HS6ST3: variants seen among roughly 807,000 people sequenced by gnomAD.
HS6ST3 encodes the protein heparan sulfate 6-O-sulfotransferase 3.
A neutral mutation model predicts 36.7 loss-of-function variants in HS6ST3; 12 were observed. The observed-to-expected ratio is 0.33, with a 90% CI of 0.21 to 0.53. The LOEUF is 0.53. Ranked by LOEUF, HS6ST3 falls within the 20% of genes least tolerant of loss-of-function variation. The probability of loss-of-function intolerance (pLI) is 0.95; values close to 1 mark genes in which losing one functional copy is unlikely to be tolerated. For synonymous variants in HS6ST3, 240 were observed against 257.5 expected (o/e 0.93, Z 0.65); for missense variants, 584 against 640.9 (o/e 0.91, Z 0.96).
intron 1 of HS6ST3, among the ~76,000 whole-genome samples, chr13:96,736,053 A>G (rs1876277551): frequency 6.6e-6 from 1 of 152,170 alleles, no homozygotes; most frequent in Non-Finnish European, 1.5e-5. Context: ...AACAGCACAC[A>G]CTGGGGCCCA....
intron 1 of HS6ST3, among the ~76,000 whole-genome samples, chr13:96,158,804 A>C (rs1344227258): frequency 6.6e-6 from 1 of 151,834 alleles, no homozygotes; most frequent in African/African-American, 2.4e-5. Flanking sequence ...CTAGGGAGAG[A>C]CCAAGTAGAA....
rs1236196576 is a variant in HS6ST3, at chr13:96,418,736, G to A, written c.707+327167G>A. On this transcript the variant is annotated intron_variant, in intron 1 of 1. Coordinates refer to ENST00000376705, the MANE Select transcript of HS6ST3 (RefSeq NM_153456.4). ...AAGAGAGGAGGCCGGCAGTAACAGT[G>A]TGCAAAAACAAGAAAACAAGCTGTC... 3.3e-5 allele frequency among the ~76,000 whole-genome samples: 5 copies of A among 152,358 alleles called. No individual in the cohort carries two copies. In the East Asian group the frequency reaches 9.6e-4, roughly 29 times the overall value.
intron 1 of HS6ST3, among the ~76,000 whole-genome samples, chr13:96,740,395 C>T (rs1485228656): frequency 6.6e-6 from 1 of 152,134 alleles, no homozygotes; most frequent in Non-Finnish European, 1.5e-5. Context: ...GGAAGGGAAA[C>T]ATACCATTTA....
chr13:96,470,958 A>G (rs2055837648), intron 1 of HS6ST3, among the ~76,000 whole-genome samples: 1 of 152,200 alleles, frequency 6.6e-6, no homozygotes, highest in Non-Finnish European at 1.5e-5. Flanking sequence ...TTTTTTTGTC[A>G]TAACCCAGGA....
intron 1 of HS6ST3, among the ~76,000 whole-genome samples, chr13:96,731,784 T>C (rs1264651133): frequency 6.6e-6 from 1 of 152,024 alleles, no homozygotes; most frequent in Non-Finnish European, 1.5e-5. Context: ...GACTCCCTGG[T>C]AGCTGGGACT....
At chr13:96,490,305 A>G (rs2055938204) in intron 1 of HS6ST3, among the ~76,000 whole-genome samples, 1 of 152,120 alleles carries the variant, frequency 6.6e-6, no homozygotes, top group Admixed American at 6.6e-5. Context: ...ATGTGTTTTT[A>G]TGGTAGTAGG....
chr13:96,418,409 A>T (rs1398436390), intron 1 of HS6ST3, among the ~76,000 whole-genome samples: 1 of 152,240 alleles, frequency 6.6e-6, no homozygotes, highest in Non-Finnish European at 1.5e-5. Flanking sequence ...GATTGACTGT[A>T]TATATGATAT....
intron 1 of HS6ST3, among the ~76,000 whole-genome samples, chr13:96,607,358 G>C (rs932297526): frequency 2.0e-5 from 3 of 152,164 alleles, no homozygotes; most frequent in Admixed American, 2.0e-4. Flanking sequence ...AGAAAATACA[G>C]CCTTCTAATG....
chr13:96,129,928 CAT>C (rs2053968149), intron 1 of HS6ST3, among the ~76,000 whole-genome samples: 1 of 152,110 alleles, frequency 6.6e-6, no homozygotes, highest in Non-Finnish European at 1.5e-5. Flanking sequence ...GAGGTAATAA[CAT>C]ATTTCTGTTG....
chr13:96,306,499 C>T (rs184279058), intron 1 of HS6ST3, among the ~76,000 whole-genome samples: 16 of 152,272 alleles, frequency 1.1e-4, no homozygotes, highest in South Asian at 2.1e-4. Context: ...GCGTGAGTCA[C>T]CGCACCCGGC....
intron 1 of HS6ST3, among the ~76,000 whole-genome samples, chr13:96,158,810 T>C (rs564442414): frequency 2.1e-4 from 32 of 151,574 alleles, no homozygotes; most frequent in African/African-American, 7.5e-4. Flanking sequence ...AGAGACCAAG[T>C]AGAAGGAGAA....
At chr13:96,178,721 G>C (rs1156250633) in intron 1 of HS6ST3, among the ~76,000 whole-genome samples, 1 of 152,076 alleles carries the variant, frequency 6.6e-6, no homozygotes, top group Admixed American at 6.6e-5. Context: ...CCATAGGATG[G>C]CTTTGTCCTT....
At chr13:96,808,140 A>T (rs1374078326) in intron 1 of HS6ST3, among the ~76,000 whole-genome samples, 1 of 152,234 alleles carries the variant, frequency 6.6e-6, no homozygotes, top group Non-Finnish European at 1.5e-5. Flanking sequence ...TGCCATACAG[A>T]GGAGCCTTGG....
Position 96,365,019 on chromosome 13 carries a change from A to AT in HS6ST3, c.707+273454dup, listed in dbSNP as rs1374419116. 3.9e-5 allele frequency among the ~76,000 whole-genome samples: 6 copies of AT among 152,260 alleles called. No individual in the cohort carries two copies. In the South Asian group the frequency reaches 1.2e-3, roughly 32 times the overall value. On this transcript the variant is annotated intron_variant, in intron 1 of 1. Coordinates refer to ENST00000376705, the MANE Select transcript of HS6ST3 (RefSeq NM_153456.4). ...CTGATACAAAGTGTCTATTTGTTTT[A>AT]TTTTAAGTACTTATTTAAATGGACA...
chr13:96,675,436 A>G (rs774632722), intron 1 of HS6ST3, among the ~76,000 whole-genome samples: 1 of 152,096 alleles, frequency 6.6e-6, no homozygotes, highest in Non-Finnish European at 1.5e-5. Flanking sequence ...TCAATTTTCA[A>G]TATAAAAAGA....
At chr13:96,358,616 G>T (rs1291131023) in intron 1 of HS6ST3, among the ~76,000 whole-genome samples, 4 of 152,000 alleles carry the variant, frequency 2.6e-5, no homozygotes, top group Non-Finnish European at 1.5e-5. Flanking sequence ...AGTGTGTGGA[G>T]TTCGGATAGT....
intron 1 of HS6ST3, among the ~76,000 whole-genome samples, chr13:96,261,441 A>G (rs1436069764): frequency 6.6e-6 from 1 of 152,134 alleles, no homozygotes; most frequent in Non-Finnish European, 1.5e-5. Flanking sequence ...GAAAAAGGAA[A>G]TTGATTGCAC....
intron 1 of HS6ST3, among the ~76,000 whole-genome samples, chr13:96,752,361 G>A (rs953234182): frequency 3.3e-5 from 5 of 152,078 alleles, no homozygotes; most frequent in Admixed American, 2.0e-4. Flanking sequence ...GTGTGCACAT[G>A]TTCAGGTGTA....
rs79547653 is a variant in HS6ST3, at chr13:96,107,385, C to T, written c.707+15816C>T. On this transcript the variant is annotated intron_variant, in intron 1 of 1. Transcript: ENST00000376705. The stretch of plus-strand genomic sequence containing the variant: ...GGTGCTAAGAAGGTGAAAGAATGGT[C>T]GGGACAAGGTGTTGGATGGGTTATC... Among the ~76,000 whole-genome samples the T allele has an allele frequency of 3.5e-3, 532 of 152,006 alleles. 2 individuals carry two copies. The highest frequency in any genetic ancestry group is 7.1e-3 in the Admixed American group (108 of 15,266).
Sources: allele counts gnomAD v4.1 joint callset (sites outside exome capture counted in the v4.1 genomes callset), GRCh38; gene constraint gnomAD v4.1.1; transcripts MANE v1.5; gene names NCBI Gene and HGNC (gene_info 2026-07-23, HGNC 2026-07-21).